Variants in SLC5A12 observed in about 807,000 individuals in gnomAD.
SLC5A12 encodes sodium-coupled monocarboxylate transporter 2.
Under a neutral mutation model 72.7 loss-of-function variants are expected in SLC5A12, and 46 were observed. The ratio of observed to expected loss-of-function variants is 0.63; its 90% CI spans 0.50 to 0.81. SLC5A12 has a LOEUF of 0.81. Among genes scored for constraint, SLC5A12 ranks in the 30% least tolerant of loss-of-function variants. The probability of loss-of-function intolerance (pLI) is 0.00; values close to 1 mark genes in which losing one functional copy is unlikely to be tolerated. For missense variants in SLC5A12, 683 were observed against 740.7 expected, an observed-to-expected ratio of 0.92 and a Z score of 0.90; for synonymous variants, 275 against 264.4, an observed-to-expected ratio of 1.04 and a Z score of -0.39.
chr11:26,678,788 C>A lies in SLC5A12; in HGVS notation c.1503G>T (p.Ser501=). Residue 501 remains serine, a synonymous_variant, in exon 13 of 15, where the codon TCG becomes TCT. Coordinates refer to ENST00000396005, the MANE Select transcript of SLC5A12 (RefSeq NM_178498.4). ...CTGCACTGTAGTAAAGGTAGGAGATCGAGTACCAGGTATCAGCTATTCCAG... is the reference window on the plus strand; with the variant it reads ...CTGCACTGTAGTAAAGGTAGGAGATAGAGTACCAGGTATCAGCTATTCCAG... The part of the protein sequence containing the change: ...SRPGIADTWY[S]ISYLYYSAVG... 6.2e-7 allele frequency: 1 copy of A among 1,613,006 alleles called. No individual in the cohort carries two copies. The highest frequency in any genetic ancestry group is 8.5e-7 in the Non-Finnish European group (1 of 1,179,406).
rs764347116 is a variant in SLC5A12, at chr11:26,681,099, G to T, written c.1431C>A (p.Ile477=). 1.2e-6 allele frequency: 2 copies of T among 1,610,302 alleles called. No individual in the cohort carries two copies. The highest frequency in any genetic ancestry group is 2.7e-5 in the African/African-American group (2 of 74,762). ...WPLPLSTDQC[I]KSNVTATGPP... is the part of the protein sequence containing the mutation. The stretch of plus-strand genomic sequence containing the variant: ...GCCCTGTTGCTGTCACATTTGATTT[G>T]ATACATTGGTCTGTTGACAGAGGCA... Residue 477 remains isoleucine (I), a synonymous_variant, in exon 12 of 15, where the codon ATC becomes ATA. Transcript: ENST00000396005.
At chr11:26,709,129 G>T in intron 4 of SLC5A12, 183 bp downstream of exon 4, 1 of 448,800 alleles carries the variant, frequency 2.2e-6, no homozygotes, top group Non-Finnish European at 4.0e-6. Context: ...CCTAAAGGTT[G>T]GTAATGAAAA....
At chr11:26,704,237 G>T (rs751213863) in intron 4 of SLC5A12, among the ~76,000 whole-genome samples, 3 of 152,102 alleles carry the variant, frequency 2.0e-5, no homozygotes, top group Non-Finnish European at 4.4e-5. Flanking sequence ...AGAAAGACAG[G>T]TTACTATAGG....
chr11:26,698,420 A>G lies in SLC5A12; in HGVS notation c.937T>C (p.Ser313Pro), dbSNP rs761089666. ...AAAACCCATACCTGGTCTGGTGCTG[A>G]GATGATGCCAGAAGTCCAAGGGTCA... ...DCDPWTSGIISAPDQLMPYFV... is the reference protein window; with the variant it reads ...DCDPWTSGIIPAPDQLMPYFV... The change falls in exon 7 of 15, where the codon TCA (serine) becomes CCA (proline). Residue 313 changes from serine (S) to proline (P), a missense_variant. Transcript: ENST00000396005. The G allele has an allele frequency of 6.2e-7, 1 of 1,613,966 alleles. No individual in the cohort carries two copies. Among genetic ancestry groups the G allele is most frequent in the East Asian group, 2.2e-5 (1 of 44,858 alleles).
At chr11:26,679,065 A>G (rs1854331217) in intron 12 of SLC5A12, among the ~76,000 whole-genome samples, 1 of 152,210 alleles carries the variant, frequency 6.6e-6, no homozygotes, top group Non-Finnish European at 1.5e-5. Flanking sequence ...GTCTTAATAC[A>G]AATAATACAA....
chr11:26,711,278 A>C (rs758234554), intron 3 of SLC5A12, 29 bp downstream of exon 3: 30 of 1,598,234 alleles, frequency 1.9e-5, no homozygotes, highest in Non-Finnish European at 2.5e-5. Flanking sequence ...AAAATGGTAA[A>C]ATATGCCAAG....
intron 10 of SLC5A12, among the ~76,000 whole-genome samples, chr11:26,685,369 C>G (rs1565188337): frequency 6.6e-6 from 1 of 152,104 alleles, no homozygotes; most frequent in African/African-American, 2.4e-5. Flanking sequence ...CATCTGTAAT[C>G]CCAGCACTCG....
At chr11:26,709,511 C>T (rs1855170938) in intron 3 of SLC5A12, 132 bp from the exon 4 acceptor site, 1 of 644,396 alleles carries the variant, frequency 1.6e-6, no homozygotes, top group African/African-American at 1.8e-5. Context: ...TTAGAGTTTT[C>T]CCTCATTAAA....
intron 1 of SLC5A12, 103 bp from the exon 2 acceptor site, chr11:26,712,809 T>C (rs1258519568): frequency 9.8e-6 from 6 of 611,764 alleles, no homozygotes; most frequent in East Asian, 6.4e-5. Context: ...TCTGGACTTG[T>C]AATCTGATTT....
At chr11:26,672,973 C>T (rs1444982464) in intron 14 of SLC5A12, among the ~76,000 whole-genome samples, 3 of 152,090 alleles carry the variant, frequency 2.0e-5, no homozygotes, top group African/African-American at 7.2e-5. Flanking sequence ...ATCAGAAAAG[C>T]TGGAGTTGAG....
chr11:26,678,572 T>C, intron 13 of SLC5A12, 140 bp downstream of exon 13: 1 of 631,806 alleles, frequency 1.6e-6, no homozygotes, highest in Non-Finnish European at 2.8e-6. Context: ...TATGTCAGCG[T>C]TGAGAGAGTA....
intron 1 of SLC5A12, among the ~76,000 whole-genome samples, chr11:26,718,578 G>A (rs969025880): frequency 3.3e-5 from 5 of 151,900 alleles, no homozygotes; most frequent in African/African-American, 1.2e-4. Flanking sequence ...TCAGCCTCTC[G>A]AGTAGCTGGG....
intron 4 of SLC5A12, 34 bp downstream of exon 4, chr11:26,709,277 TA>T: frequency 6.8e-7 from 1 of 1,474,438 alleles, no homozygotes; most frequent in Non-Finnish European, 9.4e-7. Flanking sequence ...TATTAGGAGG[TA>T]GTGTTAAATA....
chr11:26,713,203 C>A (rs1283515743), intron 1 of SLC5A12, among the ~76,000 whole-genome samples: 2 of 152,062 alleles, frequency 1.3e-5, no homozygotes, highest in Non-Finnish European at 2.9e-5. Context: ...TCAAATTCTT[C>A]AACAATTCTC....
At chr11:26,717,843 T>A (rs1855387159) in intron 1 of SLC5A12, among the ~76,000 whole-genome samples, 1 of 152,130 alleles carries the variant, frequency 6.6e-6, no homozygotes, top group South Asian at 2.1e-4. Context: ...TGGCTAGGTG[T>A]CTCTGTTCTC....
Position 26,712,672 on chromosome 11 carries a change from T to G in SLC5A12, c.374A>C (p.Tyr125Ser), listed in dbSNP as rs1855259190. The G allele has an allele frequency of 6.3e-7, 1 of 1,590,996 alleles. No individual in the cohort carries two copies. Among genetic ancestry groups the G allele is most frequent in the Non-Finnish European group, 8.6e-7 (1 of 1,163,008 alleles). ...LQLRFNKPVR[Y>S]AATVIYIVQT... ...TACAATGTAGATGACCGTGGCAGCA[T>G]AGCGAACTGGTTTGTTGAATCGTAG... Residue 125 changes from tyrosine to serine, a missense_variant, in exon 2 of 15, where the codon TAT becomes TCT. Physicochemically the swap from Tyr to Ser is moderately radical, Grantham distance 144. Transcript: ENST00000396005.
chr11:26,671,335 G>T, intron 14 of SLC5A12, 84 bp from the exon 15 acceptor site: 1 of 1,245,264 alleles, frequency 8.0e-7, no homozygotes, highest in Non-Finnish European at 1.1e-6. Flanking sequence ...TTAGGCCTTG[G>T]CTTCAAAAAA....
intron 3 of SLC5A12, among the ~76,000 whole-genome samples, chr11:26,710,601 T>A (rs192020034): frequency 2.5e-4 from 38 of 152,238 alleles, no homozygotes; most frequent in African/African-American, 8.9e-4. Flanking sequence ...TTACCAGTGA[T>A]CTTTGACTTC....
chr11:26,721,667 G>A lies in SLC5A12; in HGVS notation c.48C>T (p.Ala16=). 1 of 1,614,080 alleles carries A rather than the reference G, an allele frequency of 6.2e-7. No homozygotes were observed. The highest frequency in any genetic ancestry group is 8.5e-7 in the Non-Finnish European group (1 of 1,180,018). The stretch of plus-strand genomic sequence containing the variant: ...CAATTCCAGAGGAAATGAAAAAGAG[G>A]GCTGCAAATACAACATAATCCCAAA... ...FAVWDYVVFA[A]LFFISSGIGV... Residue 16 remains alanine (A), a synonymous_variant, in exon 1 of 15, where the codon GCC becomes GCT. Transcript: ENST00000396005.
Sources: gnomAD v4.1 joint callset for allele counts (sites outside exome capture counted in the v4.1 genomes callset) on GRCh38, gnomAD v4.1.1 for gene constraint, MANE v1.5 for transcripts, NCBI Gene and HGNC (gene_info 2026-07-23, HGNC 2026-07-21) for gene names.